The following PXDN variants were observed in gnomAD, a reference collection of about 807,000 sequenced individuals.
The protein encoded by PXDN is peroxidasin homolog.
A neutral mutation model predicts 140.3 loss-of-function variants in PXDN; 77 were observed. That is an observed-to-expected ratio of 0.55 (90% CI 0.46 to 0.66). The LOEUF is 0.66. Among genes scored for constraint, PXDN ranks in the 30% least tolerant of loss-of-function variants. PXDN has a pLI of 0.00. For missense variants in PXDN, 1,838 were observed against 2,039.5 expected (o/e 0.90, Z 1.90); for synonymous variants, 911 against 857.4 (o/e 1.06, Z -1.09).
chr2:1,710,715 C>T (rs1446646555), intron 1 of PXDN, among the ~76,000 whole-genome samples: 3 of 142,706 alleles, frequency 2.1e-5, no homozygotes, highest in African/African-American at 7.9e-5. Context: ...CACCAGCACC[C>T]ACTCCACCAG....
intron 1 of PXDN, among the ~76,000 whole-genome samples, chr2:1,726,519 T>C (rs977171116): frequency 5.9e-5 from 9 of 152,028 alleles, no homozygotes; most frequent in Admixed American, 3.3e-4. Flanking sequence ...GCATGGCACA[T>C]GTATACATAT....
At position 1,639,400 on chromosome 2, in the gene PXDN, G is replaced by T; in HGVS notation, c.3975C>A (p.Phe1325Leu). ...CCEDCRTRGQ[F>L]NAFSYHFRGR... ...CTCGGAAATGATAGGAAAAGGCATT[G>T]AACTGCCCCCTGGTCCTACAGTCTA... The change falls in exon 20 of 23, where the codon TTC becomes TTA. Residue 1325 changes from phenylalanine (F) to leucine (L), a missense_variant. Transcript: ENST00000252804. The surrounding 1 kb of genome is among the most constrained non-coding windows in gnomAD (Gnocchi z 5.0). 2 of 1,613,970 alleles carry T rather than the reference G, an allele frequency of 1.2e-6. No homozygotes were observed. The highest frequency in any genetic ancestry group is 1.7e-6 in the Non-Finnish European group (2 of 1,179,876).
At chr2:1,675,763 A>C (rs1177928613) in intron 8 of PXDN, among the ~76,000 whole-genome samples, 2 of 151,980 alleles carry the variant, frequency 1.3e-5, no homozygotes, top group South Asian at 2.1e-4. Flanking sequence ...AGTCTGGAAC[A>C]ATGACTCAGT....
chr2:1,714,248 A>G lies in PXDN; in HGVS notation c.201-21114T>C, dbSNP rs1684847721. 6.6e-6 allele frequency among the ~76,000 whole-genome samples: 1 copy of G among 152,188 alleles called. No individual in the cohort carries two copies. The highest frequency in any genetic ancestry group is 1.5e-5 in the Non-Finnish European group (1 of 68,020). The stretch of plus-strand genomic sequence containing the variant: ...ACACCCGCAGCACCCTTGCGTAGGT[A>G]GTTGAGGGGTCAACCCCAGCCCAGG... On this transcript the variant is annotated intron_variant, in intron 1 of 22. Transcript: ENST00000252804. This position sits in a 1 kb window ranked among gnomAD's most constrained non-coding sequence, Gnocchi z 4.3.
chr2:1,718,850 C>T (rs1684951406), intron 1 of PXDN, among the ~76,000 whole-genome samples: 2 of 152,228 alleles, frequency 1.3e-5, no homozygotes, highest in South Asian at 4.1e-4. Context: ...ATGGCCAGGG[C>T]AGGGCAAGGC....
At chr2:1,729,660 G>T (rs1253458741) in intron 1 of PXDN, among the ~76,000 whole-genome samples, 2 of 152,038 alleles carry the variant, frequency 1.3e-5, no homozygotes, top group Non-Finnish European at 2.9e-5. Flanking sequence ...CACCACTGAA[G>T]AACTTATTCA....
At position 1,666,973 on chromosome 2, in the gene PXDN, T is replaced by C. The variant is rs147631708; in HGVS notation, c.1019-487A>G. Among the ~76,000 whole-genome samples, 17 of 152,290 alleles carry C rather than the reference T, an allele frequency of 1.1e-4. No homozygotes were observed. The East Asian group carries it at 2.9e-3, about 26-fold the overall frequency. ...ATCCAGAAAAAAGTCCATACAATTATGAATGTGTTTCATGTGTGAGTTTGT... is the reference window on the plus strand; with the variant it reads ...ATCCAGAAAAAAGTCCATACAATTACGAATGTGTTTCATGTGTGAGTTTGT... On this transcript the variant is annotated intron_variant, in intron 9 of 22. Coordinates refer to ENST00000252804, the MANE Select transcript of PXDN (RefSeq NM_012293.3).
intron 1 of PXDN, among the ~76,000 whole-genome samples, chr2:1,700,344 G>A (rs1369945709): frequency 2.0e-5 from 3 of 152,096 alleles, no homozygotes; most frequent in Admixed American, 6.5e-5. Context: ...TTACTGGCAT[G>A]AGCCACCACA....
intron 1 of PXDN, among the ~76,000 whole-genome samples, chr2:1,728,009 C>T (rs940441769): frequency 6.6e-6 from 1 of 152,208 alleles, no homozygotes; most frequent in African/African-American, 2.4e-5. Flanking sequence ...AATCACAGCT[C>T]ACTGCAGCCT....
Position 1,653,620 on chromosome 2 carries a change from G to A in PXDN, c.2104+8C>T. 3 of 1,612,106 alleles carry A rather than the reference G, an allele frequency of 1.9e-6. No homozygotes were observed. The highest frequency in any genetic ancestry group is 2.5e-6 in the Non-Finnish European group (3 of 1,179,252). Reference sequence around the variant, plus strand: ...CATGGAGGAGGAAGAAAAGGCTTTGGCACTGACTTGTTCCGTTGAGGTCGA... The same window carrying A: ...CATGGAGGAGGAAGAAAAGGCTTTGACACTGACTTGTTCCGTTGAGGTCGA... On this transcript the variant is annotated splice_region_variant and intron_variant, in intron 16 of 22. Transcript: ENST00000252804.
At chr2:1,744,862 C>T (rs1040421794), upstream of PXDN, 1 of 165,670 alleles carries the variant, frequency 6.0e-6, no homozygotes, top group Non-Finnish European at 1.3e-5. Flanking sequence ...ATGTTTGTAA[C>T]ACTTTTAGAG....
intron 1 of PXDN, among the ~76,000 whole-genome samples, chr2:1,704,278 T>A (rs34271118): frequency 0.26 from 5,266 of 20,048 alleles, 73 homozygotes; most frequent in Middle Eastern, 0.33. Flanking sequence ...CAGCTCCAGG[T>A]GAAGCGGGGG....
In PXDN at chr2:1,693,094, C is replaced by T; in HGVS notation, c.241G>A (p.Ala81Thr). 2 of 1,559,296 alleles carry T rather than the reference C, an allele frequency of 1.3e-6. No individual in the cohort carries two copies. Among genetic ancestry groups the T allele is most frequent in the Non-Finnish European group, 8.7e-7 (1 of 1,149,764 alleles). Residue 81 changes from alanine (A) to threonine (T), a missense_variant, in exon 2 of 23, where the codon GCA (alanine) becomes ACA (threonine). This residue lies in a region of PXDN where 231 missense variants were observed against 201.5 expected (regional missense o/e 1.15). Transcript: ENST00000252804. ...TTCAAGTTCCTCAGCCGCCTGAATG[C>T]CCCAGGTTGGATCTCTCTGATTCTG... ...FNRIREIQPG[A>T]FRRLRNLNTL...
At chr2:1,711,451 A>T (rs1684775312) in intron 1 of PXDN, among the ~76,000 whole-genome samples, 1 of 112,966 alleles carries the variant, frequency 8.9e-6, no homozygotes, top group Non-Finnish European at 1.7e-5. Flanking sequence ...CTCCACCAGC[A>T]CCCACTCTCC....
intron 1 of PXDN, among the ~76,000 whole-genome samples, chr2:1,735,787 T>C (rs1254818143): frequency 6.6e-6 from 1 of 152,220 alleles, no homozygotes; most frequent in Non-Finnish European, 1.5e-5. Flanking sequence ...GAGTTCACCC[T>C]GTCCTTTGAA....
chr2:1,649,433 G>A lies in PXDN; in HGVS notation c.2347C>T (p.Pro783Ser). The part of the protein sequence containing the change: ...NGFNTPRGIN[P>S]HRLYNGHALP... ...GCGTGCCCGTTGTACAGTCGGTGGG[G>A]GTTGATGCCCCGAGGGGTGTTGAAG... The change falls in exon 17 of 23, where the codon CCC (proline) becomes TCC (serine). Residue 783 changes from proline to serine, a missense_variant. Physicochemically the swap from Pro to Ser is moderately conservative, Grantham distance 74. Coordinates refer to ENST00000252804, the MANE Select transcript of PXDN (RefSeq NM_012293.3). The surrounding 1 kb of genome is among the most constrained non-coding windows in gnomAD (Gnocchi z 7.1). The A allele has an allele frequency of 6.2e-7, 1 of 1,613,970 alleles. No homozygotes were observed. Among genetic ancestry groups the A allele is most frequent in the Non-Finnish European group, 8.5e-7 (1 of 1,179,892 alleles).
chr2:1,666,398 G>A lies in PXDN; in HGVS notation c.1107C>T (p.Pro369=), dbSNP rs778872842. The change falls in exon 10 of 23, where the codon CCC becomes CCT. Residue 369 remains proline, a synonymous_variant. Transcript: ENST00000252804. ...CTCTCGTCCAGGAGATCCGCGGCGG[G>A]GGGTGGCCTGTGGCGCTGCACTCCA... is the stretch of plus-strand genomic sequence containing the variant. ...VTLECSATGH[P]PPRISWTRGD... is the part of the protein sequence containing the mutation. 2.5e-6 allele frequency: 4 copies of A among 1,613,890 alleles called. No individual in the cohort carries two copies. Among genetic ancestry groups the A allele is most frequent in the Non-Finnish European group, 1.7e-6 (2 of 1,179,872 alleles).
chr2:1,654,563 A>C, intron 14 of PXDN, 55 bp from the exon 15 acceptor site: 1 of 1,211,326 alleles, frequency 8.3e-7, no homozygotes, highest in Non-Finnish European at 1.2e-6. Flanking sequence ...AATTACTCAT[A>C]AAATGATGTC....
At chr2:1,725,667 C>T (rs552012240) in intron 1 of PXDN, among the ~76,000 whole-genome samples, 2 of 152,262 alleles carry the variant, frequency 1.3e-5, no homozygotes, top group South Asian at 4.1e-4. Flanking sequence ...AAAATTTTCG[C>T]GACCTACTCT....
Sources: allele counts gnomAD v4.1 joint callset (sites outside exome capture counted in the v4.1 genomes callset), GRCh38; gene constraint gnomAD v4.1.1; regional missense constraint gnomAD v4.1.1; non-coding constraint Gnocchi (gnomAD v3.1); transcripts MANE v1.5; gene names NCBI Gene and HGNC (gene_info 2026-07-23, HGNC 2026-07-21).